Variants in EML4 observed in about 807,000 individuals in gnomAD.
EML4 encodes EMAP like 4.
Under a neutral mutation model 129.0 loss-of-function variants are expected in EML4, and 72 were observed. The observed-to-expected ratio is 0.56, with a 90% CI of 0.46 to 0.68. The LOEUF is 0.68. Ranked by LOEUF, EML4 falls within the 30% of genes least tolerant of loss-of-function variation. The probability of loss-of-function intolerance (pLI) is 0.00; values close to 1 mark genes in which losing one functional copy is unlikely to be tolerated. For synonymous variants in EML4, 532 were observed against 405.0 expected (o/e 1.31, Z -3.77); for missense variants, 1,363 against 1,190.6 (o/e 1.14, Z -2.13).
intron 6 of EML4, among the ~76,000 whole-genome samples, chr2:42,274,473 A>G (rs905479994): frequency 3.3e-5 from 5 of 152,216 alleles, no homozygotes; most frequent in Admixed American, 6.5e-5. Context: ...GTCCAGAAAT[A>G]AAGCAAGCTT....
chr2:42,321,641 A>G (rs1431933185), intron 19 of EML4, among the ~76,000 whole-genome samples: 1 of 152,058 alleles, frequency 6.6e-6, no homozygotes, highest in Non-Finnish European at 1.5e-5. Flanking sequence ...GCCCCACACA[A>G]TGACTTCTGC....
rs375809507 is a variant in EML4, at chr2:42,288,259, C to T, written c.1155C>T (p.Asp385=). ...GTGTTCATTTATGTATTATTGATGA[C>T]TCCAATGAGCATATGCTTACTGTAT... ...DSGVHLCIID[D]SNEHMLTVWD... Residue 385 remains aspartate (D), a synonymous_variant, in exon 11 of 23, where the codon GAC becomes GAT. Transcript: ENST00000318522. The T allele has an allele frequency of 2.1e-5, 32 of 1,558,150 alleles. No individual in the cohort carries two copies. Among genetic ancestry groups the T allele is most frequent in the Non-Finnish European group, 2.7e-5 (31 of 1,137,332 alleles).
At chr2:42,220,865 T>C (rs1037170010) in intron 1 of EML4, among the ~76,000 whole-genome samples, 1 of 152,186 alleles carries the variant, frequency 6.6e-6, no homozygotes, top group Non-Finnish European at 1.5e-5. Flanking sequence ...GTTCTGAATA[T>C]AAAGTCAGAC....
intron 21 of EML4, among the ~76,000 whole-genome samples, chr2:42,328,419 A>C (rs1032970624): frequency 6.6e-6 from 1 of 152,210 alleles, no homozygotes; most frequent in African/African-American, 2.4e-5. Context: ...TTTCTAAAAG[A>C]AATAATCTCT....
intron 17 of EML4, among the ~76,000 whole-genome samples, chr2:42,308,212 C>T (rs1435683376): frequency 2.0e-5 from 3 of 152,120 alleles, no homozygotes; most frequent in South Asian, 2.1e-4. Context: ...TTCCTTAACA[C>T]GTTAATGCTG....
At chr2:42,216,806 A>G (rs1333758431) in intron 1 of EML4, among the ~76,000 whole-genome samples, 1 of 152,214 alleles carries the variant, frequency 6.6e-6, no homozygotes, top group African/African-American at 2.4e-5. Flanking sequence ...GAGGAAAGCT[A>G]TTGAACCAAA....
chr2:42,253,256 A>G (rs187674395), intron 2 of EML4, among the ~76,000 whole-genome samples: 1 of 152,310 alleles, frequency 6.6e-6, no homozygotes, highest in Non-Finnish European at 1.5e-5. Flanking sequence ...TTGTTAAGGA[A>G]TTTAGTTTTC....
intron 1 of EML4, among the ~76,000 whole-genome samples, chr2:42,226,425 C>T (rs1020827294): frequency 3.5e-4 from 41 of 117,654 alleles, no homozygotes; most frequent in Admixed American, 6.7e-4. Flanking sequence ...TTTGGGAGGC[C>T]GAGGCGGGCG....
At chr2:42,284,015 C>T (rs897754208) in intron 8 of EML4, among the ~76,000 whole-genome samples, 1 of 152,196 alleles carries the variant, frequency 6.6e-6, no homozygotes, top group South Asian at 2.1e-4. Flanking sequence ...GCTAGTCACT[C>T]ATATACGTGC....
At chr2:42,233,200 T>G (rs1485556738) in intron 1 of EML4, among the ~76,000 whole-genome samples, 2 of 152,208 alleles carry the variant, frequency 1.3e-5, no homozygotes, top group Non-Finnish European at 2.9e-5. Flanking sequence ...TGTTTATAGC[T>G]GTTATGTTGT....
At chr2:42,295,356 G>A (rs1483210643) in intron 12 of EML4, 25 bp from the exon 13 acceptor site, 13 of 1,604,596 alleles carry the variant, frequency 8.1e-6, no homozygotes, top group Non-Finnish European at 1.0e-5. Flanking sequence ...AAAGAAAACT[G>A]AAAATTTTTA....
intron 1 of EML4, among the ~76,000 whole-genome samples, chr2:42,174,746 A>G (rs1670493331): frequency 6.6e-6 from 1 of 152,172 alleles, no homozygotes; most frequent in Non-Finnish European, 1.5e-5. Context: ...ATCTCATTTA[A>G]TTTGCATACT....
In EML4 at chr2:42,326,124, T is replaced by A. The variant is rs1669799672; in HGVS notation, c.2243-30T>A. 3 of 1,610,376 alleles carry A rather than the reference T, an allele frequency of 1.9e-6. No individual in the cohort carries two copies. The East Asian group carries it at 6.7e-5, about 36-fold the overall frequency. ...CAAATACATTTGTACACAAGCACTA[T>A]GATTATACTTCCTGTTTCTAAATTT... is the stretch of plus-strand genomic sequence containing the variant. On this transcript the variant is annotated intron_variant, in intron 20 of 22. Coordinates refer to ENST00000318522, the MANE Select transcript of EML4 (RefSeq NM_019063.5).
At chr2:42,304,435 A>T (rs1198162197) in intron 16 of EML4, 49 bp from the exon 17 acceptor site, 1 of 1,449,368 alleles carries the variant, frequency 6.9e-7, no homozygotes, top group Non-Finnish European at 9.7e-7. Flanking sequence ...CTGTCCCCAT[A>T]GGGAGACTTT....
rs753596427 is a variant in EML4 at position 42,328,971 on chromosome 2, C to T, written c.2427C>T (p.Asp809=). 1 of 1,613,312 alleles carries T rather than the reference C, an allele frequency of 6.2e-7. No homozygotes were observed. ...HNRKVIAVAD[D]FCKVHLFQYP... ...GAAAGGTGATAGCTGTTGCCGATGA[C>T]TTTTGTAAAGTCCATCTGTTTCAGT... Residue 809 remains aspartate, a synonymous_variant, in exon 22 of 23, where the codon GAC becomes GAT. Transcript: ENST00000318522.
chr2:42,332,405 TG>T lies in EML4; in HGVS notation c.*2199del, dbSNP rs1670150030. ...GTGGGTGGGGTTATGAAATTGTAGA[TG>T]TTTTTAGAAAAACTTGTGAATGAAA... On this transcript the variant is annotated 3_prime_UTR_variant, in exon 23 of 23. Coordinates refer to ENST00000318522, the MANE Select transcript of EML4 (RefSeq NM_019063.5). 1 of 207,594 alleles carries T rather than the reference TG, an allele frequency of 4.8e-6. No homozygotes were observed. The highest frequency in any genetic ancestry group is 7.3e-5 in the East Asian group (1 of 13,706). The allele number at this position is 207,594 out of a possible 1,614,324, so 12.9% of individuals were successfully genotyped here. A position where few individuals can be genotyped will look rare whatever the true frequency, so the allele number is the denominator to read the frequency against.
chr2:42,190,289 A>G (rs777375704), intron 1 of EML4, among the ~76,000 whole-genome samples: 7 of 152,068 alleles, frequency 4.6e-5, no homozygotes, highest in Non-Finnish European at 8.8e-5. Flanking sequence ...TCCCCCCACA[A>G]TGTCAGGTCA....
chr2:42,240,502 C>G (rs1254314816), intron 1 of EML4, among the ~76,000 whole-genome samples: 1 of 152,056 alleles, frequency 6.6e-6, no homozygotes, highest in Non-Finnish European at 1.5e-5. Flanking sequence ...ATCAATTATT[C>G]AGTACATATT....
intron 17 of EML4, among the ~76,000 whole-genome samples, chr2:42,305,349 G>C (rs79289065): frequency 5.9e-4 from 90 of 152,340 alleles, no homozygotes; most frequent in African/African-American, 2.0e-3. Context: ...GTTGCAAAAT[G>C]ATAGAGTGGT....
Sources: gnomAD v4.1 joint callset for allele counts (sites outside exome capture counted in the v4.1 genomes callset) on GRCh38, gnomAD v4.1.1 for gene constraint, MANE v1.5 for transcripts, NCBI Gene and HGNC (gene_info 2026-07-23, HGNC 2026-07-21) for gene names.